The following NAA35 variants were observed in gnomAD, a reference collection of about 807,000 sequenced individuals.
The protein encoded by NAA35 is N-alpha-acetyltransferase 35, NatC auxiliary subunit.
Under a neutral mutation model 101.7 loss-of-function variants are expected in NAA35, and 18 were observed. The ratio of observed to expected loss-of-function variants is 0.18; its 90% CI spans 0.12 to 0.26. NAA35 has a LOEUF of 0.26. NAA35 is among the 10% of genes least tolerant of loss of function. NAA35 has a pLI of 1.00. For synonymous variants in NAA35, 267 were observed against 273.1 expected (o/e 0.98, Z 0.22); for missense variants, 601 against 886.8 (o/e 0.68, Z 4.09).
intron 12 of NAA35, among the ~76,000 whole-genome samples, chr9:85,997,173 G>A (rs1354398065): frequency 6.6e-6 from 1 of 151,572 alleles, no homozygotes. Flanking sequence ...TGTTACCCAG[G>A]CTGGTGTTGA....
In NAA35 at chr9:86,018,272, C is replaced by T; in HGVS notation, c.1791C>T (p.Asp597=). The T allele has an allele frequency of 6.2e-7, 1 of 1,612,848 alleles. No individual in the cohort carries two copies. The highest frequency in any genetic ancestry group is 8.5e-7 in the Non-Finnish European group (1 of 1,179,202). The change falls in exon 20 of 23, where the codon GAC becomes GAT. Residue 597 remains aspartate, a synonymous_variant. Coordinates refer to ENST00000361671, the MANE Select transcript of NAA35 (RefSeq NM_024635.4). ...AGMFKTMVAF[D]MDGKVRKPKF... ...TCATTTAGACCATGGTAGCATTTGA[C>T]ATGGACGGCAAAGTACGTAAACCGA...
intron 14 of NAA35, among the ~76,000 whole-genome samples, chr9:86,008,597 T>C (rs1831753290): frequency 6.6e-6 from 1 of 152,222 alleles, no homozygotes; most frequent in African/African-American, 2.4e-5. Flanking sequence ...ATCTAACCCT[T>C]TATTTCCCAT....
chr9:86,005,495 A>C (rs1831593239), intron 13 of NAA35, among the ~76,000 whole-genome samples: 1 of 152,228 alleles, frequency 6.6e-6, no homozygotes, highest in Non-Finnish European at 1.5e-5. Flanking sequence ...TAAAGCAAGA[A>C]AAAGAAATAA....
intron 11 of NAA35, among the ~76,000 whole-genome samples, chr9:85,988,205 T>C (rs1830732049): frequency 6.6e-6 from 1 of 152,176 alleles, no homozygotes; most frequent in South Asian, 2.1e-4. Context: ...ACTCCTTCAG[T>C]GATATCATAA....
chr9:86,018,115 A>G, intron 19 of NAA35, 140 bp from the exon 20 acceptor site: 1 of 714,900 alleles, frequency 1.4e-6, no homozygotes, highest in Non-Finnish European at 2.2e-6. Flanking sequence ...TGTGCTTATG[A>G]CAATTATATG....
At chr9:85,967,444 A>C (rs1165224211) in intron 6 of NAA35, among the ~76,000 whole-genome samples, 1 of 152,108 alleles carries the variant, frequency 6.6e-6, no homozygotes, top group Non-Finnish European at 1.5e-5. Context: ...TTTCCAGATA[A>C]GTTTGTCTTA....
chr9:86,018,195 A>G, intron 19 of NAA35, 60 bp from the exon 20 acceptor site: 1 of 1,481,738 alleles, frequency 6.7e-7, no homozygotes, highest in Non-Finnish European at 9.3e-7. Context: ...TTCTGTATTG[A>G]TGAGTGTTCA....
At chr9:86,011,342 T>G (rs1831909851) in intron 15 of NAA35, among the ~76,000 whole-genome samples, 1 of 152,004 alleles carries the variant, frequency 6.6e-6, no homozygotes, top group Admixed American at 6.5e-5. Context: ...TTATTCATTT[T>G]TATTTAATTT....
chr9:85,991,027 A>C (rs900686475), intron 11 of NAA35, among the ~76,000 whole-genome samples: 3 of 152,180 alleles, frequency 2.0e-5, no homozygotes, highest in African/African-American at 7.2e-5. Context: ...TTCTAAAGTG[A>C]GTGGAGAAGG....
chr9:85,942,793 C>T (rs774030340), intron 2 of NAA35, among the ~76,000 whole-genome samples: 6 of 152,186 alleles, frequency 3.9e-5, no homozygotes, highest in Non-Finnish European at 5.9e-5. Context: ...TTTATCTCTT[C>T]GTAATACACA....
At chr9:85,946,807 G>A (rs118105087) in intron 2 of NAA35, among the ~76,000 whole-genome samples, 15 of 151,896 alleles carry the variant, frequency 9.9e-5, no homozygotes, top group East Asian at 9.7e-4. Context: ...TCATTCCTCC[G>A]TAGTCAGTCT....
chr9:85,993,620 G>A (rs368604500), intron 11 of NAA35, among the ~76,000 whole-genome samples: 4 of 152,138 alleles, frequency 2.6e-5, no homozygotes, highest in African/African-American at 9.7e-5. Context: ...ATATTTTTCA[G>A]ACCATTGAAC....
intron 2 of NAA35, among the ~76,000 whole-genome samples, chr9:85,949,406 T>C (rs551902580): frequency 6.6e-6 from 1 of 152,088 alleles, no homozygotes; most frequent in East Asian, 1.9e-4. Context: ...GCGATTCTCC[T>C]GCCTTGGCCT....
chr9:85,967,799 C>CA (rs201125485), intron 6 of NAA35, among the ~76,000 whole-genome samples: 28,742 of 135,018 alleles, frequency 0.21, 3,275 homozygotes, highest in East Asian at 0.41. Flanking sequence ...GAGACTGTCT[C>CA]AAAAAAAAAA....
intron 2 of NAA35, among the ~76,000 whole-genome samples, chr9:85,944,078 T>C (rs903463154): frequency 3.3e-5 from 5 of 152,220 alleles, no homozygotes; most frequent in African/African-American, 1.2e-4. Context: ...TTTGTTCCCC[T>C]TGATGATCAG....
intron 11 of NAA35, among the ~76,000 whole-genome samples, chr9:85,983,006 A>G (rs562147415): frequency 1.2e-3 from 188 of 152,342 alleles, no homozygotes; most frequent in African/African-American, 4.4e-3. Context: ...GGAAATGGGT[A>G]TGAGAAATTT....
rs1452143100 is a variant in NAA35, at chr9:85,981,115, G to T, written c.877+2734G>T. Among the ~76,000 whole-genome samples the T allele has an allele frequency of 3.3e-5, 5 of 152,108 alleles. No individual in the cohort carries two copies. The East Asian group carries it at 9.6e-4, about 29-fold the overall frequency. ...CATAATTTTTGTGTTTCTACTAGTT[G>T]TGCTGACTTTGTATGTATTTATCAT... is the stretch of plus-strand genomic sequence containing the variant. On this transcript the variant is annotated intron_variant, in intron 11 of 22. Coordinates refer to ENST00000361671, the MANE Select transcript of NAA35 (RefSeq NM_024635.4).
At chr9:85,975,389 C>T (rs1361261857) in intron 8 of NAA35, among the ~76,000 whole-genome samples, 1 of 151,990 alleles carries the variant, frequency 6.6e-6, no homozygotes, top group Non-Finnish European at 1.5e-5. Flanking sequence ...TCAAGTACAG[C>T]CATCCCTCAG....
At chr9:85,980,197 C>T (rs904396816) in intron 11 of NAA35, among the ~76,000 whole-genome samples, 1 of 152,196 alleles carries the variant, frequency 6.6e-6, no homozygotes, top group East Asian at 1.9e-4. Context: ...GGTGTACTAT[C>T]TCCTAGGAAC....
Sources: gnomAD v4.1 joint callset for allele counts (sites outside exome capture counted in the v4.1 genomes callset) on GRCh38, gnomAD v4.1.1 for gene constraint, MANE v1.5 for transcripts, NCBI Gene and HGNC (gene_info 2026-07-23, HGNC 2026-07-21) for gene names.